Variants in SOCS4 observed in about 807,000 individuals in gnomAD.
The protein encoded by SOCS4 is suppressor of cytokine signaling 4, also known as SH2 domain containing SOCS box protein.
A neutral mutation model predicts 34.1 loss-of-function variants in SOCS4; 20 were observed. That is an observed-to-expected ratio of 0.59 (90% confidence interval 0.41 to 0.85). The LOEUF (loss-of-function observed/expected upper bound fraction) is 0.85. Ranked by LOEUF, SOCS4 falls within the 40% of genes least tolerant of loss-of-function variation. The pLI is 0.00. For synonymous variants in SOCS4, 180 were observed against 186.4 expected (o/e 0.97, Z 0.28); for missense variants, 479 against 532.4 (o/e 0.90, Z 0.99).
intron 2 of SOCS4, among the ~76,000 whole-genome samples, chr14:55,035,183 G>A (rs1369427240): frequency 5.9e-5 from 9 of 152,218 alleles, no homozygotes. Context: ...TTAAGTACAG[G>A]TGAACGTGTG....
At chr14:55,030,048 T>C (rs2042514726) in intron 1 of SOCS4, among the ~76,000 whole-genome samples, 1 of 152,148 alleles carries the variant, frequency 6.6e-6, no homozygotes, top group African/African-American at 2.4e-5. Flanking sequence ...CTTTATCTAG[T>C]CACACACCTG....
At chr14:55,030,688 T>G (rs2042520800) in intron 1 of SOCS4, among the ~76,000 whole-genome samples, 1 of 152,158 alleles carries the variant, frequency 6.6e-6, no homozygotes, top group Non-Finnish European at 1.5e-5. Flanking sequence ...AGTAAAAACA[T>G]GAGGTAGCTG....
chr14:55,037,148 ATT>A (rs138442784), intron 2 of SOCS4, among the ~76,000 whole-genome samples: 47 of 142,566 alleles, frequency 3.3e-4, no homozygotes, highest in Non-Finnish European at 3.4e-4. Context: ...TAGCAATCAT[ATT>A]TTTTTTTTTT....
At position 55,047,925 on chromosome 14, in the gene SOCS4, T is replaced by G. The variant is rs1338691864; in HGVS notation, c.*3561T>G. 6.0e-6 allele frequency: 1 copy of G among 166,966 alleles called. No individual in the cohort carries two copies. 10.3% of individuals were successfully genotyped at this position (166,966 alleles called of 1,614,324 possible). Reference sequence around the variant, plus strand: ...TTCCTATGAAACAAAAACCTTGAGATCTCTTTTTTTTTGAGACAGAGTCTC... The same window carrying G: ...TTCCTATGAAACAAAAACCTTGAGAGCTCTTTTTTTTTGAGACAGAGTCTC... On this transcript the variant is annotated 3_prime_UTR_variant, in exon 3 of 3. Coordinates refer to ENST00000555846, the MANE Select transcript of SOCS4 (RefSeq NM_199421.2).
intron 2 of SOCS4, among the ~76,000 whole-genome samples, chr14:55,038,204 C>T (rs765429441): frequency 6.6e-6 from 1 of 152,188 alleles, no homozygotes; most frequent in Non-Finnish European, 1.5e-5. Flanking sequence ...GGGGAAACTG[C>T]CCTCATGATT....
At position 55,045,975 on chromosome 14, in the gene SOCS4, T is replaced by C. The variant is rs1037820494; in HGVS notation, c.*1611T>C. On this transcript the variant is annotated 3_prime_UTR_variant, in exon 3 of 3. Transcript: ENST00000555846. ...TTTCCATAATAGCTTTAAAATAATT[T>C]TTTAGTAATTATTACAAAATTAAGG... 6.0e-6 allele frequency: 1 copy of C among 166,916 alleles called. No homozygotes were observed. Among genetic ancestry groups the C allele is most frequent in the East Asian group, 1.9e-4 (1 of 5,206 alleles). 10.3% of individuals were successfully genotyped at this position (166,916 alleles called of 1,614,324 possible). A position where few individuals can be genotyped will look rare whatever the true frequency, so the allele number is the denominator to read the frequency against.
chr14:55,030,671 T>C (rs987895472), intron 1 of SOCS4, among the ~76,000 whole-genome samples: 4 of 152,190 alleles, frequency 2.6e-5, no homozygotes, highest in Non-Finnish European at 5.9e-5. Flanking sequence ...TACCTTTTAC[T>C]CCTGGCAGTA....
At position 55,044,478 on chromosome 14, in the gene SOCS4, C is replaced by G. The variant is rs368033320; in HGVS notation, c.*114C>G. ...AAGGCAGTGGTGTCCAAAATAAAAT[C>G]TCTGCCCTAAATTTTACTAATAAAT... On this transcript the variant is annotated 3_prime_UTR_variant, in exon 3 of 3. Coordinates refer to ENST00000555846, the MANE Select transcript of SOCS4 (RefSeq NM_199421.2). 6.5e-6 allele frequency: 5 copies of G among 763,892 alleles called. No individual in the cohort carries two copies. The highest frequency in any genetic ancestry group is 9.6e-5 in the South Asian group (2 of 20,918). The allele number at this position is 763,892 out of a possible 1,614,324, so 47.3% of individuals were successfully genotyped here.
intron 2 of SOCS4, among the ~76,000 whole-genome samples, chr14:55,041,999 G>A (rs1416279616): frequency 1.3e-5 from 2 of 151,192 alleles, no homozygotes; most frequent in Non-Finnish European, 2.9e-5. Context: ...CACTGTTTTG[G>A]CCAGGCTGGG....
At chr14:55,028,835 G>T (rs2042499173) in intron 1 of SOCS4, among the ~76,000 whole-genome samples, 1 of 152,182 alleles carries the variant, frequency 6.6e-6, no homozygotes, top group Non-Finnish European at 1.5e-5. Flanking sequence ...GTGTGACCTT[G>T]AATATGTTCC....
At chr14:55,033,272 TAA>T (rs1364370108) in intron 2 of SOCS4, among the ~76,000 whole-genome samples, 1 of 152,188 alleles carries the variant, frequency 6.6e-6, no homozygotes, top group Non-Finnish European at 1.5e-5. Context: ...TCACTAAAAT[TAA>T]GTTATTTTTA....
chr14:55,041,781 A>ATTTTTTTTTTTTTT (rs2042620490), intron 2 of SOCS4, among the ~76,000 whole-genome samples: 2 of 72,872 alleles, frequency 2.7e-5, no homozygotes, highest in Admixed American at 1.4e-4. Flanking sequence ...CCAACCCTTA[A>ATTTTTTTTTTTTTT]TCTTTTTTTT....
At chr14:55,041,694 C>T (rs1332369824) in intron 2 of SOCS4, among the ~76,000 whole-genome samples, 3 of 150,100 alleles carry the variant, frequency 2.0e-5, no homozygotes, top group African/African-American at 7.4e-5. Flanking sequence ...AGGCTGGTCT[C>T]GAACTCCTGA....
chr14:55,040,540 C>T (rs778192431), intron 2 of SOCS4, among the ~76,000 whole-genome samples: 2 of 152,098 alleles, frequency 1.3e-5, no homozygotes, highest in Non-Finnish European at 2.9e-5. Flanking sequence ...GTCAGGAGAT[C>T]GAGACCATCC....
intron 2 of SOCS4, among the ~76,000 whole-genome samples, chr14:55,041,712 A>G (rs1303924232): frequency 1.4e-5 from 2 of 144,156 alleles, no homozygotes; most frequent in Non-Finnish European, 3.0e-5. Flanking sequence ...TGACCTCATG[A>G]TCCACCCGCC....
At chr14:55,040,931 A>C (rs1173946876) in intron 2 of SOCS4, among the ~76,000 whole-genome samples, 2 of 147,306 alleles carry the variant, frequency 1.4e-5, no homozygotes, top group East Asian at 4.0e-4. Flanking sequence ...TCACTCTGTC[A>C]CTCAGACTGG....
rs151226106 is a variant in SOCS4 at position 55,043,340 on chromosome 14, G to T, written c.299G>T (p.Gly100Val). 1 of 1,614,186 alleles carries T rather than the reference G, an allele frequency of 6.2e-7. No homozygotes were observed. The highest frequency in any genetic ancestry group is 2.2e-5 in the East Asian group (1 of 44,878). ...AAACAGAAACTGCAAGATGCCGTGG[G>T]GCAGTGTTTTCCAATAAAGAATTGT... is the stretch of plus-strand genomic sequence containing the variant. ...SLKQKLQDAV[G>V]QCFPIKNCSS... Residue 100 changes from glycine to valine, a missense_variant, in exon 3 of 3, where the codon GGG (glycine) becomes GTG (valine). Coordinates refer to ENST00000555846, the MANE Select transcript of SOCS4 (RefSeq NM_199421.2).
At chr14:55,039,609 A>G (rs1480225708) in intron 2 of SOCS4, among the ~76,000 whole-genome samples, 2 of 152,186 alleles carry the variant, frequency 1.3e-5, no homozygotes, top group African/African-American at 4.8e-5. Context: ...GAACACAGGT[A>G]GAGGCCAGGC....
chr14:55,037,154 T>G (rs2042579454), intron 2 of SOCS4, among the ~76,000 whole-genome samples: 1 of 151,772 alleles, frequency 6.6e-6, no homozygotes, highest in African/African-American at 2.4e-5. Context: ...TCATATTTTT[T>G]TTTTTTTTGA....
Sources: allele counts gnomAD v4.1 joint callset (sites outside exome capture counted in the v4.1 genomes callset), GRCh38; gene constraint gnomAD v4.1.1; transcripts MANE v1.5; gene names NCBI Gene and HGNC (gene_info 2026-07-23, HGNC 2026-07-21).